YIF1B: variants seen among roughly 807,000 people sequenced by gnomAD.
YIF1B encodes Yip1 interacting factor homolog B, membrane trafficking protein.
A neutral mutation model predicts 34.6 loss-of-function variants in YIF1B; 24 were observed. The observed-to-expected ratio is 0.69, with a 90% CI of 0.50 to 0.98. The LOEUF is 0.98. YIF1B is among the 50% of genes least tolerant of loss of function. YIF1B has a pLI of 0.00. For missense variants in YIF1B, 368 were observed against 429.4 expected (o/e 0.86, Z 1.26); for synonymous variants, 186 against 184.8 (o/e 1.01, Z -0.05).
chr19:38,313,974 A>T lies in YIF1B; in HGVS notation c.58+1886T>A, dbSNP rs1024669342. ...CACAATAATTTCTGAATATATATTC[A>T]TATGTCTACTTGTTTACTTGGCACA... On this transcript the variant is annotated intron_variant, in intron 1 of 7. Transcript: ENST00000339413. Among the ~76,000 whole-genome samples the T allele has an allele frequency of 1.3e-4, 20 of 152,282 alleles. 1 individual carries two copies. The highest frequency in any genetic ancestry group is 6.8e-3 in the Middle Eastern group (2 of 294).
At chr19:38,315,784 C>G in intron 1 of YIF1B, 76 bp downstream of exon 1, 3 of 1,565,516 alleles carry the variant, frequency 1.9e-6, no homozygotes, top group Non-Finnish European at 2.6e-6. Flanking sequence ...GACCTCTGAC[C>G]TGCAGTGACC....
At position 38,312,786 on chromosome 19, in the gene YIF1B, C is replaced by T. The variant is rs187867691; in HGVS notation, c.58+3074G>A. ...GTGACACTCATAAACTCCTTGGCCC[C>T]ACAGAAAGCAGTCCATCCATGTCAC... is the stretch of plus-strand genomic sequence containing the variant. On this transcript the variant is annotated intron_variant, in intron 1 of 7. Transcript: ENST00000339413. Among the ~76,000 whole-genome samples the T allele has an allele frequency of 3.4e-3, 516 of 152,270 alleles. 2 individuals carry two copies. The highest frequency in any genetic ancestry group is 0.012 in the African/African-American group (484 of 41,552).
chr19:38,315,665 G>A, intron 1 of YIF1B, 195 bp downstream of exon 1: 1 of 1,587,660 alleles, frequency 6.3e-7, no homozygotes, highest in Non-Finnish European at 8.6e-7. Flanking sequence ...GTCCCAAGTT[G>A]TTTTCTTCTA....
intron 7 of YIF1B, 199 bp downstream of exon 7, chr19:38,307,229 T>A (rs971218389): frequency 3.3e-6 from 2 of 606,052 alleles, no homozygotes; most frequent in African/African-American, 3.7e-5. Context: ...GCCTGGCTGG[T>A]GTCTCCTCTT....
upstream of YIF1B, among the ~76,000 whole-genome samples, chr19:38,316,148 G>T (rs950079192): frequency 5.9e-5 from 9 of 152,242 alleles, no homozygotes; most frequent in African/African-American, 1.9e-4. Context: ...GCGAGTCAAG[G>T]CCTGAGTGGC....
chr19:38,304,929 A>AAGGAGAAGGGCAAGG lies in YIF1B; in HGVS notation c.*422_*423insCCTTGCCCTTCTCCT. The AAGGAGAAGGGCAAGG allele has an allele frequency of 9.3e-6, 15 of 1,612,512 alleles. No individual in the cohort carries two copies. Among genetic ancestry groups the AAGGAGAAGGGCAAGG allele is most frequent in the Non-Finnish European group, 1.3e-5 (15 of 1,179,588 alleles). On this transcript the variant is annotated 3_prime_UTR_variant, in exon 8 of 8. Transcript: ENST00000339413. ...AGTGAAGAAGAAGGAGAAGGGCAAG[A>AAGGAGAAGGGCAAGG]AGGAGAAGGGCAAGAAGAAGGAGGC...
chr19:38,320,256 G>C (rs777002704), upstream of YIF1B: 1 of 1,606,192 alleles, frequency 6.2e-7, no homozygotes, highest in African/African-American at 1.3e-5. Context: ...TCGCCAGCAC[G>C]CTGATCACCA....
chr19:38,305,497 A>C lies in YIF1B; in HGVS notation c.800T>G (p.Leu267Arg). 1 of 1,605,088 alleles carries C rather than the reference A, an allele frequency of 6.2e-7. No individual in the cohort carries two copies. The highest frequency in any genetic ancestry group is 8.5e-7 in the Non-Finnish European group (1 of 1,173,952). ...VAIFVFMIRT[L>R]RLKILADAAA... The stretch of plus-strand genomic sequence containing the variant: ...TGCGTCTGCCAAGATCTTCAGCCGC[A>C]GCGTCCGGATCTGGGTGGGAAAGAG... The change falls in exon 8 of 8, where the codon CTG (leucine) becomes CGG (arginine). Residue 267 changes from leucine (L) to arginine (R), a missense_variant. Transcript: ENST00000339413.
upstream of YIF1B, chr19:38,319,882 C>A (rs1264500666): frequency 8.3e-6 from 11 of 1,329,382 alleles, no homozygotes; most frequent in Non-Finnish European, 1.1e-5. Context: ...GAACTAGGTG[C>A]CAGACGGTCC....
chr19:38,305,576 G>T, intron 7 of YIF1B, 69 bp from the exon 8 acceptor site: 1 of 1,508,450 alleles, frequency 6.6e-7, no homozygotes, highest in South Asian at 1.3e-5. Context: ...GTGAGAGCCC[G>T]GACATACTTC....
At chr19:38,309,946 A>C in intron 1 of YIF1B, 1 of 806,460 alleles carries the variant, frequency 1.2e-6, no homozygotes, top group South Asian at 2.3e-5. Context: ...CCATCCATCT[A>C]TCCATCTAAC....
rs1156439516 is a variant in YIF1B at position 38,307,430 on chromosome 19, T to G, written c.787A>C (p.Met263Leu). The change falls in exon 7 of 8, where the codon ATG becomes CTG. Residue 263 changes from methionine (M) to leucine (L), a missense_variant and splice_region_variant. Met to Leu is a conservative substitution (Grantham distance 15). Transcript: ENST00000339413. ...CACCAGCCCCGAGCCCAGCTCACCA[T>G]GAACACAAAGATGGCTACGCAGCAC... The part of the protein sequence containing the change: ...GWCCVAIFVF[M>L]IRTLRLKILA... 4 of 1,613,426 alleles carry G rather than the reference T, an allele frequency of 2.5e-6. No individual in the cohort carries two copies. Among genetic ancestry groups the G allele is most frequent in the East Asian group, 2.2e-5 (1 of 44,848 alleles).
At chr19:38,307,818 G>T in intron 5 of YIF1B, 66 bp from the exon 6 acceptor site, 2 of 1,585,880 alleles carry the variant, frequency 1.3e-6, no homozygotes, top group South Asian at 1.1e-5. Context: ...CACCCATCTG[G>T]GGACAGCTCT....
At chr19:38,315,437 A>C in intron 1 of YIF1B, 1 of 1,312,610 alleles carries the variant, frequency 7.6e-7, no homozygotes, top group Non-Finnish European at 9.7e-7. Context: ...AGATGAAGAG[A>C]CAGGAAAAGG....
At chr19:38,305,685 T>C (rs1056478859) in intron 7 of YIF1B, among the ~76,000 whole-genome samples, 178 bp from the exon 8 acceptor site, 1 of 152,160 alleles carries the variant, frequency 6.6e-6, no homozygotes, top group Admixed American at 6.5e-5. Context: ...CCAAACCTCC[T>C]AACATGGTGA....
chr19:38,317,367 T>G (rs931521679), upstream of YIF1B: 12 of 152,262 alleles, frequency 7.9e-5, no homozygotes, highest in Non-Finnish European at 2.9e-5. Context: ...GTTGTCTTTT[T>G]GGAGACCTTA....
chr19:38,312,061 C>T lies in YIF1B; in HGVS notation c.59-2418G>A, dbSNP rs1277456441. Among the ~76,000 whole-genome samples, 35 of 152,044 alleles carry T rather than the reference C, an allele frequency of 2.3e-4. 1 individual carries two copies. The highest frequency in any genetic ancestry group is 2.3e-3 in the Admixed American group (35 of 15,260). On this transcript the variant is annotated intron_variant, in intron 1 of 7. Transcript: ENST00000339413. The stretch of plus-strand genomic sequence containing the variant: ...GAGGTTGCAGTGAGCCAAGATCGCG[C>T]CACTGCACTCCAGCCTGGGCTACAG...
At chr19:38,313,715 A>C (rs1969418503) in intron 1 of YIF1B, among the ~76,000 whole-genome samples, 1 of 152,262 alleles carries the variant, frequency 6.6e-6, no homozygotes, top group South Asian at 2.1e-4. Flanking sequence ...GATCCCATGC[A>C]CCAGCCAGCC....
At chr19:38,309,998 A>G in intron 1 of YIF1B, 1 of 435,492 alleles carries the variant, frequency 2.3e-6, no homozygotes, top group East Asian at 5.8e-5. Context: ...CCATCCAGCC[A>G]TCCATCCACC....
Sources: allele counts gnomAD v4.1 joint callset (sites outside exome capture counted in the v4.1 genomes callset), GRCh38; gene constraint gnomAD v4.1.1; transcripts MANE v1.5; gene names NCBI Gene and HGNC (gene_info 2026-07-23, HGNC 2026-07-21).